SP2: variants seen among roughly 807,000 people sequenced by gnomAD.
The protein encoded by SP2 is transcription factor Sp2.
Under a neutral mutation model 50.1 loss-of-function variants are expected in SP2, and 9 were observed. That is an observed-to-expected ratio of 0.18 (90% confidence interval 0.11 to 0.31). The LOEUF is 0.31. Among genes scored for constraint, SP2 ranks in the 10% least tolerant of loss-of-function variants. SP2 has a pLI of 1.00. For missense variants in SP2, 581 were observed against 806.5 expected (o/e 0.72, Z 3.39); for synonymous variants, 313 against 326.6 (o/e 0.96, Z 0.45).
intron 3 of SP2, among the ~76,000 whole-genome samples, chr17:47,917,624 TG>T (rs1256397176): frequency 3.9e-5 from 1 of 25,480 alleles, no homozygotes; most frequent in African/African-American, 1.0e-4. Context: ...TGTTTTAGGG[TG>T]TTTTTTTTTT....
intron 3 of SP2, among the ~76,000 whole-genome samples, 187 bp downstream of exon 3, chr17:47,917,317 T>A (rs1567698504): frequency 6.6e-6 from 1 of 152,190 alleles, no homozygotes; most frequent in Non-Finnish European, 1.5e-5. Context: ...GCCAAGTACT[T>A]CTTATCTTTA....
chr17:47,928,027 A>C lies in SP2; in HGVS notation c.*203A>C, dbSNP rs1598178640. On this transcript the variant is annotated 3_prime_UTR_variant, in exon 7 of 7. Transcript: ENST00000376741. ...TGGCTCTGCCTTGGCCCTTCCCCTC[A>C]CCACGAGCTCCCGGCCTGCCCAGAC... is the stretch of plus-strand genomic sequence containing the variant. 1 of 547,212 alleles carries C rather than the reference A, an allele frequency of 1.8e-6. No individual in the cohort carries two copies. The highest frequency in any genetic ancestry group is 3.3e-6 in the Non-Finnish European group (1 of 303,780). 33.9% of individuals were successfully genotyped at this position (547,212 alleles called of 1,614,324 possible). A position where few individuals can be genotyped will look rare whatever the true frequency, so the allele number is the denominator to read the frequency against.
downstream of SP2, among the ~76,000 whole-genome samples, chr17:47,931,020 T>C (rs909356841): frequency 3.9e-5 from 6 of 152,140 alleles, no homozygotes; most frequent in Non-Finnish European, 4.4e-5. Context: ...TCCTTGCCCT[T>C]CCTTCAGACC....
intron 1 of SP2, among the ~76,000 whole-genome samples, chr17:47,910,299 C>T (rs1021691621): frequency 9.2e-5 from 14 of 152,108 alleles, no homozygotes; most frequent in Admixed American, 3.3e-4. Flanking sequence ...TATCACGGTC[C>T]GTCACATGTA....
At chr17:47,909,035 G>A (rs908355107) in intron 1 of SP2, among the ~76,000 whole-genome samples, 2 of 152,166 alleles carry the variant, frequency 1.3e-5, no homozygotes, top group Non-Finnish European at 2.9e-5. Context: ...ACTAAAATCT[G>A]CCTCAAAATG....
At chr17:47,904,671 G>A (rs769611268) in intron 1 of SP2, among the ~76,000 whole-genome samples, 5 of 152,158 alleles carry the variant, frequency 3.3e-5, no homozygotes, top group Admixed American at 6.6e-5. Flanking sequence ...AGCAAGCCAC[G>A]GCCCAGAGTT....
chr17:47,897,952 C>T (rs1323559547), intron 1 of SP2: 13 of 839,724 alleles, frequency 1.5e-5, no homozygotes, highest in African/African-American at 1.8e-5. Context: ...TCTAGTTCTT[C>T]CTCTTGGTTG....
chr17:47,912,525 G>T (rs1043961385), intron 1 of SP2, among the ~76,000 whole-genome samples: 3 of 148,190 alleles, frequency 2.0e-5, no homozygotes, highest in Admixed American at 6.8e-5. Flanking sequence ...ACTCACTGTA[G>T]CCTTGACCTC....
At chr17:47,926,833 T>C (rs2035669734) in intron 6 of SP2, among the ~76,000 whole-genome samples, 1 of 152,110 alleles carries the variant, frequency 6.6e-6, no homozygotes, top group African/African-American at 2.4e-5. Flanking sequence ...ACATACACTT[T>C]GGCAAACAGT....
intron 1 of SP2, among the ~76,000 whole-genome samples, chr17:47,906,165 C>T (rs183269715): frequency 5.9e-4 from 90 of 152,202 alleles, no homozygotes; most frequent in Middle Eastern, 6.8e-3. Context: ...TTTTAGAGGC[C>T]GTAGGCAGTA....
intron 1 of SP2, chr17:47,899,127 T>A (rs1163197799): frequency 6.6e-6 from 1 of 152,246 alleles, no homozygotes; most frequent in Non-Finnish European, 1.5e-5. Flanking sequence ...GAAAAAAAGT[T>A]CTTTCTCTTT....
rs746840297 is a variant in SP2, at chr17:47,917,153, C to G, written c.1059+23C>G. 23 of 1,559,884 alleles carry G rather than the reference C, an allele frequency of 1.5e-5. No individual in the cohort carries two copies. In the African/African-American group the frequency reaches 2.2e-4, roughly 15 times the overall value. ...CAGGTACCACACTCCCTGTACTGTC[C>G]TCCTTCTCCTCCTCTGGTTATCTCT... is the stretch of plus-strand genomic sequence containing the variant. On this transcript the variant is annotated intron_variant, in intron 3 of 6. Transcript: ENST00000376741.
intron 1 of SP2, among the ~76,000 whole-genome samples, chr17:47,906,961 A>G (rs2034788420): frequency 6.6e-6 from 1 of 152,164 alleles, no homozygotes; most frequent in South Asian, 2.1e-4. Flanking sequence ...GGGGAACATC[A>G]GTATTTAAGG....
downstream of SP2, among the ~76,000 whole-genome samples, chr17:47,930,474 C>T (rs545362877): frequency 3.1e-4 from 47 of 152,272 alleles, no homozygotes; most frequent in Non-Finnish European, 5.6e-4. Flanking sequence ...TGTAGGATTT[C>T]CCTTCTCCAG....
intron 1 of SP2, among the ~76,000 whole-genome samples, chr17:47,901,084 T>G (rs1195507839): frequency 6.6e-6 from 1 of 152,006 alleles, no homozygotes; most frequent in African/African-American, 2.4e-5. Context: ...GACAGTCACG[T>G]TTTGGAAAGA....
rs1598163783 is a variant in SP2, at chr17:47,922,855, C to T, written c.1060-107C>T. The T allele has an allele frequency of 9.4e-6, 9 of 956,988 alleles. No homozygotes were observed. In the East Asian group the frequency reaches 2.2e-4, roughly 23 times the overall value. 59.3% of individuals were successfully genotyped at this position (956,988 alleles called of 1,614,324 possible). A position where few individuals can be genotyped will look rare whatever the true frequency, so the allele number is the denominator to read the frequency against. On this transcript the variant is annotated intron_variant, in intron 3 of 6. Coordinates refer to ENST00000376741, the MANE Select transcript of SP2 (RefSeq NM_003110.6). ...TGTAGGTTTGGGTGAATTGAAGAGA[C>T]TTTTAGTGGACAGGCGCCCCCAGTT...
At position 47,927,998 on chromosome 17, in the gene SP2, CCCTTGGCTCTG is replaced by C; in HGVS notation, c.*182_*192del. On this transcript the variant is annotated 3_prime_UTR_variant, in exon 7 of 7. Coordinates refer to ENST00000376741, the MANE Select transcript of SP2 (RefSeq NM_003110.6). ...CCCTGTATTGTCCTCCTTCTGAAGC[CCCTTGGCTCTG>C]CCTTGGCCCTTCCCCTCACCACGAG... The C allele has an allele frequency of 1.7e-6, 1 of 593,658 alleles. No individual in the cohort carries two copies. Among genetic ancestry groups the C allele is most frequent in the Admixed American group, 2.9e-5 (1 of 34,446 alleles). 36.8% of individuals were successfully genotyped at this position (593,658 alleles called of 1,614,324 possible).
chr17:47,925,600 C>T, intron 6 of SP2, 59 bp downstream of exon 6: 1 of 1,374,360 alleles, frequency 7.3e-7, no homozygotes, highest in Admixed American at 1.8e-5. Context: ...GCCTCTCCTC[C>T]CACCCCCACT....
chr17:47,924,048 G>A (rs2035559659), intron 4 of SP2, among the ~76,000 whole-genome samples: 1 of 151,754 alleles, frequency 6.6e-6, no homozygotes, highest in South Asian at 2.1e-4. Flanking sequence ...TTTCCCTCTT[G>A]AGGTGACCCC....
Sources: gnomAD v4.1 joint callset for allele counts (sites outside exome capture counted in the v4.1 genomes callset) on GRCh38, gnomAD v4.1.1 for gene constraint, MANE v1.5 for transcripts, NCBI Gene and HGNC (gene_info 2026-07-23, HGNC 2026-07-21) for gene names.